Variants in EEFSEC observed in about 807,000 individuals in gnomAD.
EEFSEC encodes the protein eukaryotic elongation factor, selenocysteine-tRNA specific.
EEFSEC carries 43 observed loss-of-function variants against 42.1 expected under a neutral mutation model. That is an observed-to-expected ratio of 1.02 (90% CI 0.80 to 1.32). EEFSEC has a LOEUF of 1.32. Among genes scored for constraint, EEFSEC ranks in the 40% most tolerant of loss-of-function variants. EEFSEC has a pLI of 0.00. For missense variants in EEFSEC, 745 were observed against 803.6 expected, an observed-to-expected ratio of 0.93 and a Z score of 0.88; for synonymous variants, 354 against 339.1, an observed-to-expected ratio of 1.04 and a Z score of -0.48.
At chr3:128,186,061 A>G (rs771661565) in intron 1 of EEFSEC, among the ~76,000 whole-genome samples, 7 of 152,150 alleles carry the variant, frequency 4.6e-5, no homozygotes, top group African/African-American at 7.2e-5. Flanking sequence ...ACAGCAATGT[A>G]TGAAGGTTCT....
downstream of EEFSEC, among the ~76,000 whole-genome samples, chr3:128,411,495 G>T (rs1276255449): frequency 6.6e-6 from 1 of 152,224 alleles, no homozygotes; most frequent in East Asian, 1.9e-4. Context: ...AGTGCTTCAG[G>T]CGTGTCCTTG....
intron 1 of EEFSEC, among the ~76,000 whole-genome samples, chr3:128,230,771 C>T (rs962570914): frequency 1.6e-4 from 25 of 152,254 alleles, no homozygotes; most frequent in African/African-American, 5.1e-4. Flanking sequence ...AAGTAGAATC[C>T]AGAATGTTCC....
At chr3:128,172,438 C>A (rs1194544778) in intron 1 of EEFSEC, among the ~76,000 whole-genome samples, 1 of 152,236 alleles carries the variant, frequency 6.6e-6, no homozygotes, top group Non-Finnish European at 1.5e-5. Context: ...AAGCTTCAGG[C>A]ACATAGTAGG....
intron 4 of EEFSEC, among the ~76,000 whole-genome samples, chr3:128,270,195 C>G (rs539402285): frequency 6.6e-6 from 1 of 152,304 alleles, no homozygotes; most frequent in South Asian, 2.1e-4. Flanking sequence ...AGCTGATACT[C>G]TTGTCATGTT....
chr3:128,164,874 G>C (rs1291661448), intron 1 of EEFSEC, among the ~76,000 whole-genome samples: 2 of 152,166 alleles, frequency 1.3e-5, no homozygotes, highest in African/African-American at 4.8e-5. Context: ...ACTGTGACAA[G>C]TGGTCCTAGG....
At chr3:128,370,351 G>A (rs1188080919) in intron 6 of EEFSEC, among the ~76,000 whole-genome samples, 1 of 152,170 alleles carries the variant, frequency 6.6e-6, no homozygotes, top group Non-Finnish European at 1.5e-5. Flanking sequence ...AGATAGCTGT[G>A]TGGAGGGAGT....
At chr3:128,413,177 C>G (rs896324621), downstream of EEFSEC, among the ~76,000 whole-genome samples, 3 of 152,104 alleles carry the variant, frequency 2.0e-5, no homozygotes, top group Admixed American at 6.5e-5. Flanking sequence ...GGGGACAGTC[C>G]GAGCTGAGGC....
chr3:128,211,591 C>G (rs913702822), intron 1 of EEFSEC, among the ~76,000 whole-genome samples: 3 of 150,824 alleles, frequency 2.0e-5, no homozygotes, highest in Non-Finnish European at 4.4e-5. Flanking sequence ...TCTCGGCTCA[C>G]TGCAACCTCT....
chr3:128,376,790 C>T (rs915607690), intron 6 of EEFSEC, among the ~76,000 whole-genome samples: 5 of 152,162 alleles, frequency 3.3e-5, no homozygotes, highest in Non-Finnish European at 7.3e-5. Flanking sequence ...TCAGCAGAGT[C>T]AGCAGTGTCT....
At chr3:128,238,367 A>G (rs2066034224) in intron 1 of EEFSEC, among the ~76,000 whole-genome samples, 6 of 152,248 alleles carry the variant, frequency 3.9e-5, no homozygotes, top group Admixed American at 3.3e-4. Context: ...AAATGTTGGC[A>G]GTGTATGCAT....
Position 128,333,591 on chromosome 3 carries a change from A to C in EEFSEC, c.787-7642A>C, listed in dbSNP as rs548577104. 2.0e-5 allele frequency among the ~76,000 whole-genome samples: 3 copies of C among 152,354 alleles called. No individual in the cohort carries two copies. In the East Asian group the frequency reaches 5.8e-4, roughly 29 times the overall value. On this transcript the variant is annotated intron_variant, in intron 4 of 6. Transcript: ENST00000254730. ...ACTATCATTAGAAGTGAATGGAATC[A>C]GGTGTGTAAAGATTTTCCCCATCAT... is the stretch of plus-strand genomic sequence containing the variant.
chr3:128,252,475 G>A (rs1165087876), intron 2 of EEFSEC, among the ~76,000 whole-genome samples: 1 of 152,128 alleles, frequency 6.6e-6, no homozygotes, highest in African/African-American at 2.4e-5. Flanking sequence ...GTAACATGTG[G>A]AGAACCTGCT....
chr3:128,247,566 C>T (rs1300127308), intron 2 of EEFSEC, among the ~76,000 whole-genome samples: 3 of 152,132 alleles, frequency 2.0e-5, no homozygotes, highest in Non-Finnish European at 4.4e-5. Flanking sequence ...GTGGACAGAC[C>T]GACAGATGGT....
intron 4 of EEFSEC, among the ~76,000 whole-genome samples, chr3:128,291,437 T>C (rs534684504): frequency 3.8e-4 from 58 of 152,322 alleles, no homozygotes; most frequent in Non-Finnish European, 6.9e-4. Context: ...CACCTTTTCT[T>C]TGCCCTTATG....
intron 6 of EEFSEC, among the ~76,000 whole-genome samples, chr3:128,381,564 G>A (rs994095623): frequency 2.6e-5 from 4 of 152,194 alleles, no homozygotes; most frequent in South Asian, 2.1e-4. Context: ...ACATTCATGC[G>A]TCAATCACCT....
downstream of EEFSEC, among the ~76,000 whole-genome samples, chr3:128,413,303 G>A (rs1174762373): frequency 7.9e-5 from 12 of 152,178 alleles, no homozygotes; most frequent in Non-Finnish European, 1.8e-4. Flanking sequence ...TATTTATGAG[G>A]CCTCCTGGGT....
At chr3:128,393,725 A>G (rs947932545) in intron 6 of EEFSEC, among the ~76,000 whole-genome samples, 2 of 152,244 alleles carry the variant, frequency 1.3e-5, no homozygotes, top group African/African-American at 4.8e-5. Flanking sequence ...AATGCTGGAC[A>G]GTACTGGGCC....
At chr3:128,327,837 G>C (rs1237204344) in intron 4 of EEFSEC, among the ~76,000 whole-genome samples, 1 of 152,164 alleles carries the variant, frequency 6.6e-6, no homozygotes, top group African/African-American at 2.4e-5. Flanking sequence ...TGGAGGAGGG[G>C]GCGGCTGCTA....
chr3:128,344,177 A>G (rs2067286486), intron 5 of EEFSEC, among the ~76,000 whole-genome samples: 2 of 152,214 alleles, frequency 1.3e-5, no homozygotes, highest in African/African-American at 4.8e-5. Flanking sequence ...CTTCTGTGCC[A>G]CATGCTCTCC....
Sources: gnomAD v4.1 joint callset for allele counts (sites outside exome capture counted in the v4.1 genomes callset) on GRCh38, gnomAD v4.1.1 for gene constraint, MANE v1.5 for transcripts, NCBI Gene and HGNC (gene_info 2026-07-23, HGNC 2026-07-21) for gene names.